PRKCQ: variants seen among roughly 807,000 people sequenced by gnomAD.
The protein encoded by PRKCQ is protein kinase C theta.
In PRKCQ, 41 loss-of-function variants were observed where a neutral mutation model predicts 91.2. The observed-to-expected ratio is 0.45, with a 90% CI of 0.35 to 0.58. The LOEUF (loss-of-function observed/expected upper bound fraction) is 0.58, where lower values mean the gene tolerates loss of function less well. Among genes scored for constraint, PRKCQ ranks in the 20% least tolerant of loss-of-function variants. The pLI, the probability that PRKCQ is intolerant of heterozygous loss-of-function variation, is 0.00. For synonymous variants in PRKCQ, 307 were observed against 316.9 expected (o/e 0.97, Z 0.33); for missense variants, 673 against 896.5 (o/e 0.75, Z 3.18).
intron 12 of PRKCQ, among the ~76,000 whole-genome samples, chr10:6,470,899 C>T (rs1424587822): frequency 2.0e-5 from 3 of 149,678 alleles, no homozygotes; most frequent in Admixed American, 6.7e-5. Context: ...TGTATTGAGC[C>T]GCCTGGGCAA....
chr10:6,571,858 A>G (rs779583345), intron 1 of PRKCQ, among the ~76,000 whole-genome samples: 1 of 152,132 alleles, frequency 6.6e-6, no homozygotes, highest in East Asian at 1.9e-4. Context: ...ACAAACAGGA[A>G]CCAGGTGTGG....
chr10:6,499,708 A>G (rs1273126545), intron 4 of PRKCQ, among the ~76,000 whole-genome samples: 1 of 152,248 alleles, frequency 6.6e-6, no homozygotes, highest in Non-Finnish European at 1.5e-5. Flanking sequence ...CAGGTTCATC[A>G]TATTTCACAA....
chr10:6,479,794 A>AAAT (rs1383298520), intron 11 of PRKCQ, among the ~76,000 whole-genome samples: 2 of 147,198 alleles, frequency 1.4e-5, no homozygotes, highest in East Asian at 4.0e-4. Flanking sequence ...AAAAAAAAAA[A>AAAT]ATCCAAAAAT....
intron 4 of PRKCQ, among the ~76,000 whole-genome samples, chr10:6,506,340 A>G (rs1838202938): frequency 6.6e-6 from 1 of 152,192 alleles, no homozygotes; most frequent in African/African-American, 2.4e-5. Context: ...CTCTCTTTCA[A>G]TACACCCTGT....
intron 8 of PRKCQ, chr10:6,489,316 T>G: frequency 2.1e-6 from 1 of 475,414 alleles, no homozygotes; most frequent in Non-Finnish European, 4.4e-6. Flanking sequence ...TAGCCACATC[T>G]AGGCTTCTCT....
chr10:6,499,970 T>C (rs1019121953), intron 4 of PRKCQ, among the ~76,000 whole-genome samples: 11 of 152,246 alleles, frequency 7.2e-5, no homozygotes, highest in Non-Finnish European at 2.9e-5. Context: ...ATTTGTTTTA[T>C]GGCAACCCCA....
At chr10:6,570,195 G>C (rs971331225) in intron 1 of PRKCQ, among the ~76,000 whole-genome samples, 1 of 152,240 alleles carries the variant, frequency 6.6e-6, no homozygotes, top group East Asian at 1.9e-4. Context: ...GCCATGAGGA[G>C]AGTGCGGGTG....
At chr10:6,401,685 G>T in the PRKCQ span, among the ~76,000 whole-genome samples, 1 of 152,112 alleles carries the variant, frequency 6.6e-6, no homozygotes, top group African/African-American at 2.4e-5. Context: ...ATTCCCACGG[G>T]CTTTCCTGCT....
the PRKCQ span, among the ~76,000 whole-genome samples, chr10:6,404,828 CTTCTTTCT>C: frequency 0.021 from 2,618 of 127,362 alleles, 36 homozygotes; most frequent in South Asian, 0.023. Context: ...TCTTTCTTTC[CTTCTTTCT>C]TTCTTTCTTT....
intron 12 of PRKCQ, among the ~76,000 whole-genome samples, chr10:6,473,228 C>T (rs940381535): frequency 1.3e-5 from 2 of 152,162 alleles, no homozygotes; most frequent in Non-Finnish European, 2.9e-5. Flanking sequence ...GCTAAAAATG[C>T]CTCTGTCTCT....
At chr10:6,445,342 A>T (rs1360837024) in intron 15 of PRKCQ, among the ~76,000 whole-genome samples, 2 of 152,114 alleles carry the variant, frequency 1.3e-5, no homozygotes, top group African/African-American at 4.8e-5. Flanking sequence ...CAGACTTGCT[A>T]AACAAACAGA....
At chr10:6,471,859 T>A (rs1835988369) in intron 12 of PRKCQ, among the ~76,000 whole-genome samples, 1 of 152,188 alleles carries the variant, frequency 6.6e-6, no homozygotes, top group African/African-American at 2.4e-5. Context: ...TTGAAGGAGA[T>A]GTCAAATGCT....
intron 1 of PRKCQ, among the ~76,000 whole-genome samples, chr10:6,539,827 A>G (rs1839714052): frequency 6.6e-6 from 1 of 152,074 alleles, no homozygotes; most frequent in African/African-American, 2.4e-5. Flanking sequence ...TACTGTGAAC[A>G]CTCAGTTGTG....
intron 15 of PRKCQ, among the ~76,000 whole-genome samples, chr10:6,452,405 G>C (rs1203473427): frequency 2.0e-5 from 3 of 152,126 alleles, no homozygotes; most frequent in East Asian, 3.9e-4. Context: ...ACAAACCACT[G>C]CTCAATGATA....
chr10:6,471,952 A>G (rs1835994450), intron 12 of PRKCQ, among the ~76,000 whole-genome samples: 1 of 152,238 alleles, frequency 6.6e-6, no homozygotes, highest in Non-Finnish European at 1.5e-5. Flanking sequence ...AATATGGGCC[A>G]TGAGCCTGGA....
At chr10:6,441,118 C>T (rs531555725) in intron 16 of PRKCQ, among the ~76,000 whole-genome samples, 74 of 152,206 alleles carry the variant, frequency 4.9e-4, no homozygotes, top group African/African-American at 1.1e-3. Flanking sequence ...AAAAGTCATA[C>T]ATCCTGTCCA....
the PRKCQ span, among the ~76,000 whole-genome samples, chr10:6,403,453 TC>T: frequency 6.6e-6 from 1 of 152,240 alleles, no homozygotes; most frequent in African/African-American, 2.4e-5. Flanking sequence ...ATTCATGTCT[TC>T]ATTCCCCTCT....
the PRKCQ span, among the ~76,000 whole-genome samples, chr10:6,403,834 G>GAA: frequency 5.5e-3 from 819 of 149,524 alleles, 1 homozygote; most frequent in Non-Finnish European, 8.7e-3. Context: ...ATAAATGAAT[G>GAA]AAAAAAAAAA....
At chr10:6,493,934 G>C (rs1025253493) in intron 7 of PRKCQ, among the ~76,000 whole-genome samples, 1 of 152,182 alleles carries the variant, frequency 6.6e-6, no homozygotes, top group South Asian at 2.1e-4. Flanking sequence ...CTGCCCCTTT[G>C]TTGGAGAAAA....
Sources: allele counts gnomAD v4.1 joint callset (sites outside exome capture counted in the v4.1 genomes callset), GRCh38; gene constraint gnomAD v4.1.1; transcripts MANE v1.5; gene names NCBI Gene and HGNC (gene_info 2026-07-23, HGNC 2026-07-21).